Variants in CTNND2 observed in about 807,000 individuals in gnomAD.
CTNND2 encodes the protein catenin delta 2.
Under a neutral mutation model 144.4 loss-of-function variants are expected in CTNND2, and 22 were observed. That is an observed-to-expected ratio of 0.15 (90% CI 0.11 to 0.22). The LOEUF is 0.22. Ranked by LOEUF, CTNND2 falls within the 10% of genes least tolerant of loss-of-function variation. The probability of loss-of-function intolerance (pLI) is 1.00; values close to 1 mark genes in which losing one functional copy is unlikely to be tolerated. For missense variants in CTNND2, 1,353 were observed against 1,618.8 expected, an observed-to-expected ratio of 0.84 and a Z score of 2.82; for synonymous variants, 751 against 695.6, an observed-to-expected ratio of 1.08 and a Z score of -1.25.
intron 1 of CTNND2, among the ~76,000 whole-genome samples, chr5:11,901,009 G>A (rs760156622): frequency 6.6e-6 from 1 of 152,148 alleles, no homozygotes; most frequent in Non-Finnish European, 1.5e-5. Flanking sequence ...CCCATTTTCT[G>A]TGGCTAATCA....
chr5:11,877,662 C>G (rs562491682), intron 1 of CTNND2, among the ~76,000 whole-genome samples: 1 of 151,626 alleles, frequency 6.6e-6, no homozygotes. Context: ...GCAAGAAAAT[C>G]AAGGTTTGCA....
intron 3 of CTNND2, among the ~76,000 whole-genome samples, chr5:11,536,430 G>A (rs1581436723): frequency 1.4e-5 from 2 of 147,526 alleles, no homozygotes; most frequent in South Asian, 4.1e-4. Flanking sequence ...GCACACACAT[G>A]TTTATAGCAG....
intron 2 of CTNND2, among the ~76,000 whole-genome samples, chr5:11,633,861 T>C (rs1781541078): frequency 1.3e-5 from 2 of 152,200 alleles, no homozygotes; most frequent in African/African-American, 4.8e-5. Flanking sequence ...CCTGGACATC[T>C]TTCTTCTTCC....
intron 2 of CTNND2, among the ~76,000 whole-genome samples, chr5:11,627,018 T>C (rs1056367331): frequency 1.3e-4 from 20 of 152,116 alleles, no homozygotes; most frequent in African/African-American, 4.8e-4. Flanking sequence ...TGAATAAAAT[T>C]TGAGTTAATT....
chr5:11,533,639 C>A (rs1412114819), intron 3 of CTNND2, among the ~76,000 whole-genome samples: 1 of 152,224 alleles, frequency 6.6e-6, no homozygotes. Flanking sequence ...CTGCTCTGGA[C>A]ATCAGCATTC....
intron 16 of CTNND2, among the ~76,000 whole-genome samples, chr5:11,077,930 T>C (rs1404495315): frequency 6.7e-6 from 1 of 149,096 alleles, no homozygotes; most frequent in African/African-American, 2.4e-5. Flanking sequence ...CAAGAATAAC[T>C]GGTCATTTTC....
At chr5:11,415,889 C>T (rs1450464136) in intron 3 of CTNND2, among the ~76,000 whole-genome samples, 1 of 152,134 alleles carries the variant, frequency 6.6e-6, no homozygotes, top group Non-Finnish European at 1.5e-5. Flanking sequence ...TGCTTTCTCT[C>T]TCTCTTAAGC....
At chr5:11,145,777 C>T (rs1008209640) in intron 12 of CTNND2, among the ~76,000 whole-genome samples, 9 of 152,116 alleles carry the variant, frequency 5.9e-5, no homozygotes, top group African/African-American at 2.2e-4. Context: ...ATCAAGACAC[C>T]TCCTCCAAAT....
chr5:11,434,696 G>A (rs1288484188), intron 3 of CTNND2, among the ~76,000 whole-genome samples: 1 of 152,124 alleles, frequency 6.6e-6, no homozygotes, highest in Non-Finnish European at 1.5e-5. Flanking sequence ...GCTAATGGTA[G>A]AATGTAGGTA....
At chr5:11,465,682 T>C (rs1766609152) in intron 3 of CTNND2, among the ~76,000 whole-genome samples, 1 of 152,212 alleles carries the variant, frequency 6.6e-6, no homozygotes, top group Admixed American at 6.5e-5. Flanking sequence ...GCACAGACCC[T>C]GAAAATATTA....
intron 9 of CTNND2, among the ~76,000 whole-genome samples, chr5:11,278,002 C>T (rs1264642664): frequency 6.6e-6 from 1 of 152,180 alleles, no homozygotes; most frequent in Non-Finnish European, 1.5e-5. Flanking sequence ...ACAGTAGTTA[C>T]TTCTTTTCTT....
At chr5:11,897,360 A>G (rs1292167513) in intron 1 of CTNND2, among the ~76,000 whole-genome samples, 1 of 152,226 alleles carries the variant, frequency 6.6e-6, no homozygotes, top group East Asian at 1.9e-4. Flanking sequence ...CTTAAATACA[A>G]CATCGTATCT....
chr5:11,540,105 C>T (rs980601267), intron 3 of CTNND2, among the ~76,000 whole-genome samples: 4 of 152,092 alleles, frequency 2.6e-5, no homozygotes, highest in African/African-American at 9.7e-5. Context: ...TGTGGTGGGT[C>T]AAATGGCTGG....
At chr5:11,797,410 G>C (rs139259838) in intron 1 of CTNND2, among the ~76,000 whole-genome samples, 1 of 152,264 alleles carries the variant, frequency 6.6e-6, no homozygotes, top group African/African-American at 2.4e-5. Flanking sequence ...CCTCATTTTG[G>C]ATGTATTCCA....
intron 3 of CTNND2, among the ~76,000 whole-genome samples, chr5:11,432,131 T>TTA (rs1763357681): frequency 1.3e-5 from 2 of 150,752 alleles, no homozygotes; most frequent in Non-Finnish European, 3.0e-5. Flanking sequence ...CTTTTTTTTT[T>TTA]TTTTTTTTTT....
chr5:11,176,378 G>C (rs889739978), intron 11 of CTNND2, among the ~76,000 whole-genome samples: 1 of 151,830 alleles, frequency 6.6e-6, no homozygotes, highest in Non-Finnish European at 1.5e-5. Flanking sequence ...GTGTAAAAAG[G>C]CTTTGGAAAC....
intron 16 of CTNND2, among the ~76,000 whole-genome samples, chr5:11,042,859 C>G (rs1744822834): frequency 6.6e-6 from 1 of 152,172 alleles, no homozygotes; most frequent in Non-Finnish European, 1.5e-5. Context: ...TAATGGGGCC[C>G]TAATTTCATG....
chr5:11,317,525 G>A (rs1751635112), intron 9 of CTNND2, among the ~76,000 whole-genome samples: 1 of 152,100 alleles, frequency 6.6e-6, no homozygotes, highest in Admixed American at 6.5e-5. Flanking sequence ...ACCTTTAGGT[G>A]TCCCACTATG....
rs770791815 is a variant in CTNND2, at chr5:11,018,067, G to C, written c.3000-9C>G. The C allele has an allele frequency of 5.0e-6, 8 of 1,603,194 alleles. No individual in the cohort carries two copies. In the Admixed American group the frequency reaches 1.3e-4, roughly 27 times the overall value. On this transcript the variant is annotated splice_polypyrimidine_tract_variant and intron_variant, in intron 17 of 21. Transcript: ENST00000304623. ...CCACTTTTGGAGAGTGTCTGATGAA[G>C]AAAAGACAGGAAAGGCAAGATGTGA...
Sources: gnomAD v4.1 joint callset for allele counts (sites outside exome capture counted in the v4.1 genomes callset) on GRCh38, gnomAD v4.1.1 for gene constraint, MANE v1.5 for transcripts, NCBI Gene and HGNC (gene_info 2026-07-23, HGNC 2026-07-21) for gene names.